FAM221B: variants seen among roughly 807,000 people sequenced by gnomAD.
FAM221B encodes family with sequence similarity 221 member B.
A neutral mutation model predicts 39.8 loss-of-function variants in FAM221B; 35 were observed. The observed-to-expected ratio is 0.88, with a 90% confidence interval of 0.67 to 1.17. FAM221B has a LOEUF of 1.17. Ranked by LOEUF, FAM221B falls within the 50% of genes most tolerant of loss-of-function variation. The pLI is 0.00. For missense variants in FAM221B, 479 were observed against 503.1 expected (o/e 0.95, Z 0.46); for synonymous variants, 158 against 178.1 (o/e 0.89, Z 0.90).
In FAM221B at chr9:35,825,667, T is replaced by C. The variant is rs1344511166; in HGVS notation, c.495A>G (p.Gln165=). ...HCLSGPSSQV[Q]VDTTEKQEEE... is the part of the protein sequence containing the mutation. ...CCTCCTGCTTTTCGGTTGTGTCCAC[T>C]TGGACCTGGGATGAAGGGCCTGAAA... Residue 165 remains glutamine (Q), a synonymous_variant, in exon 2 of 7, where the codon CAA becomes CAG. Transcript: ENST00000423537. This position sits in a 1 kb window ranked among gnomAD's most constrained non-coding sequence, Gnocchi z 4.2. 3 of 1,614,110 alleles carry C rather than the reference T, an allele frequency of 1.9e-6. No homozygotes were observed. The highest frequency in any genetic ancestry group is 1.7e-6 in the Non-Finnish European group (2 of 1,180,054).
Position 35,827,507 on chromosome 9 carries a change from G to A in FAM221B, c.-1+956C>T, listed in dbSNP as rs191625897. 4.9e-4 allele frequency among the ~76,000 whole-genome samples: 75 copies of A among 152,316 alleles called. 1 individual carries two copies. The highest frequency in any genetic ancestry group is 2.9e-3 in the Admixed American group (45 of 15,302). ...ATGGCAATACAAATAAATTGATGTTGTTCTGGGGTGAGTCTAGGATACGGT... is the reference window on the plus strand; with the variant it reads ...ATGGCAATACAAATAAATTGATGTTATTCTGGGGTGAGTCTAGGATACGGT... On this transcript the variant is annotated intron_variant, in intron 1 of 6. Coordinates refer to ENST00000423537, the MANE Select transcript of FAM221B (RefSeq NM_001012446.4).
Position 35,825,293 on chromosome 9 carries a change from C to G in FAM221B, c.679G>C (p.Gly227Arg), listed in dbSNP as rs758588648. The G allele has an allele frequency of 3.1e-6, 5 of 1,614,252 alleles. No individual in the cohort carries two copies. The highest frequency in any genetic ancestry group is 3.4e-6 in the Non-Finnish European group (4 of 1,180,050). Residue 227 changes from glycine to arginine, a missense_variant, in exon 3 of 7, where the codon GGT (glycine) becomes CGT (arginine). Physicochemically the swap from Gly to Arg is moderately radical, Grantham distance 125. Coordinates refer to ENST00000423537, the MANE Select transcript of FAM221B (RefSeq NM_001012446.4). This position sits in a 1 kb window ranked among gnomAD's most constrained non-coding sequence, Gnocchi z 4.2. ...VAKAMHREEF[G>R]AQVNNLFQWE... The stretch of plus-strand genomic sequence containing the variant: ...TGGAAAAGATTGTTCACTTGAGCAC[C>G]AAACTCCTCTCTATGCATTGCCTTA...
intron 6 of FAM221B, among the ~76,000 whole-genome samples, 174 bp from the exon 7 acceptor site, chr9:35,818,680 G>A (rs1016220572): frequency 2.0e-5 from 3 of 152,190 alleles, no homozygotes; most frequent in African/African-American, 7.2e-5. Context: ...ATGGCTTCTC[G>A]GAGCACAGCC....
rs908138600 is a variant in FAM221B, at chr9:35,819,206, T to A, written c.1042A>T (p.Arg348Trp). 18 of 1,551,348 alleles carry A rather than the reference T, an allele frequency of 1.2e-5. No individual in the cohort carries two copies. The highest frequency in any genetic ancestry group is 2.0e-5 in the Admixed American group (1 of 50,974). Residue 348 changes from arginine to tryptophan, a missense_variant, in exon 5 of 7, where the codon AGG (arginine) becomes TGG (tryptophan). Arg to Trp is a moderately radical substitution (Grantham distance 101). Transcript: ENST00000423537. ...EHAATGPHPC[R>W]HHGCCCGCFE... ...TTGCCCTAGAAGTTACCATGATGCC[T>A]GCAGGGATGGGGCCCAGTGGCTGCA...
chr9:35,826,235 T>C, intron 1 of FAM221B, 74 bp from the exon 2 acceptor site: 1 of 1,137,730 alleles, frequency 8.8e-7, no homozygotes, highest in South Asian at 1.5e-5. Flanking sequence ...GAGCCCAGGG[T>C]TCGCAGTGCA....
intron 4 of FAM221B, 114 bp downstream of exon 4, chr9:35,819,776 A>G: frequency 1.4e-6 from 1 of 727,586 alleles, no homozygotes; most frequent in Non-Finnish European, 2.3e-6. Context: ...AAGTGCTGGG[A>G]TTACAGGGGT....
At position 35,819,970 on chromosome 9, in the gene FAM221B, T is replaced by C. The variant is rs1005408695; in HGVS notation, c.773A>G (p.Tyr258Cys). Residue 258 changes from tyrosine (Y) to cysteine (C), a missense_variant, in exon 4 of 7, where the codon TAC (tyrosine) becomes TGC (cysteine). Tyr to Cys is a radical substitution (Grantham distance 194). Transcript: ENST00000423537. ...CCCAATCCGGAAACAGTCCCATAGG[T>C]AATGGGGGCAGCGCCAGCCAATGTA... ...GLYIGWRCPHYLWDCFRIGDE... is the reference protein window; with the variant it reads ...GLYIGWRCPHCLWDCFRIGDE... The C allele has an allele frequency of 5.6e-6, 9 of 1,613,800 alleles. 1 individual carries two copies. The Middle Eastern group carries it at 6.6e-4, about 118-fold the overall frequency.
rs755351552 is a variant in FAM221B, at chr9:35,825,296, A to T, written c.676T>A (p.Phe226Ile). ...AAAAGATTGTTCACTTGAGCACCAA[A>T]CTCCTCTCTATGCATTGCCTTAGCC... ...EVAKAMHREE[F>I]GAQVNNLFQW... Residue 226 changes from phenylalanine (F) to isoleucine (I), a missense_variant, in exon 3 of 7, where the codon TTT becomes ATT. Transcript: ENST00000423537. The surrounding 1 kb of genome is among the most constrained non-coding windows in gnomAD (Gnocchi z 4.2). The T allele has an allele frequency of 6.2e-7, 1 of 1,613,998 alleles. No homozygotes were observed. The highest frequency in any genetic ancestry group is 1.1e-5 in the South Asian group (1 of 91,074).
At chr9:35,824,416 A>T (rs1829244004) in intron 3 of FAM221B, among the ~76,000 whole-genome samples, 1 of 152,178 alleles carries the variant, frequency 6.6e-6, no homozygotes, top group Non-Finnish European at 1.5e-5. Context: ...GAGGCTTGGA[A>T]ACAGCAGGGC....
rs1040077512 is a variant in FAM221B at position 35,828,183 on chromosome 9, T to G, written c.-1+280A>C. 3.9e-5 allele frequency among the ~76,000 whole-genome samples: 6 copies of G among 152,140 alleles called. No homozygotes were observed. The highest frequency in any genetic ancestry group is 1.4e-4 in the African/African-American group (6 of 41,500). On this transcript the variant is annotated intron_variant, in intron 1 of 6. Transcript: ENST00000423537. The surrounding 1 kb of genome is among the most constrained non-coding windows in gnomAD (Gnocchi z 4.5). The stretch of plus-strand genomic sequence containing the variant: ...GGCAGGCGCCTGTAGTCCCAGCTAC[T>G]GGGGAGGCTGAAGCAAGCAAATCAC...
rs1829076521 is a variant in FAM221B, at chr9:35,818,982, T to C, written c.1079A>G (p.Asn360Ser). The C allele has an allele frequency of 6.4e-7, 1 of 1,551,668 alleles. No homozygotes were observed. Among genetic ancestry groups the C allele is most frequent in the Non-Finnish European group, 8.7e-7 (1 of 1,146,982 alleles). ...HGCCCGCFES[N>S]FLCAACDRRW... ...CCGGTCACAGGCCGCACAGAGGAAA[T>C]TAGACTCAAAACAGCCGCAGCAACA... Residue 360 changes from asparagine (N) to serine (S), a missense_variant, in exon 6 of 7, where the codon AAT becomes AGT. Asn to Ser is a conservative substitution (Grantham distance 46). Coordinates refer to ENST00000423537, the MANE Select transcript of FAM221B (RefSeq NM_001012446.4).
rs115407050 is a variant in FAM221B at position 35,825,730 on chromosome 9, G to T, written c.432C>A (p.Thr144=). The change falls in exon 2 of 7, where the codon ACC becomes ACA. Residue 144 remains threonine, a synonymous_variant. Coordinates refer to ENST00000423537, the MANE Select transcript of FAM221B (RefSeq NM_001012446.4). The surrounding 1 kb of genome is among the most constrained non-coding windows in gnomAD (Gnocchi z 4.2). ...GAAGGCTCTCAGATTCAGAGAGATG[G>T]GTAGACCTCCTTGTCCATGGGACCT... is the stretch of plus-strand genomic sequence containing the variant. ...SNEVPWTRRS[T]HLSESESLPE... 1.9e-6 allele frequency: 3 copies of T among 1,614,168 alleles called. No homozygotes were observed. The Admixed American group carries it at 5.0e-5, about 27-fold the overall frequency.
chr9:35,819,823 T>C, intron 4 of FAM221B, 67 bp downstream of exon 4: 1 of 1,315,146 alleles, frequency 7.6e-7, no homozygotes, highest in Non-Finnish European at 1.1e-6. Context: ...TCTCTCATAC[T>C]TCCCAAGACA....
rs1281324927 is a variant in FAM221B at position 35,819,001 on chromosome 9, A to G, written c.1060T>C (p.Cys354Arg). The change falls in exon 6 of 7, where the codon TGC (cysteine) becomes CGC (arginine). Residue 354 changes from cysteine to arginine, a missense_variant. Physicochemically the swap from Cys to Arg is radical, Grantham distance 180. Transcript: ENST00000423537. Reference sequence around the variant, plus strand: ...AGGAAATTAGACTCAAAACAGCCGCAGCAACAGCCTGGGGCAAAAGTGCAG... The same window carrying G: ...AGGAAATTAGACTCAAAACAGCCGCGGCAACAGCCTGGGGCAAAAGTGCAG... ...PHPCRHHGCC[C>R]GCFESNFLCA... is the part of the protein sequence containing the mutation. 1.3e-6 allele frequency: 2 copies of G among 1,551,608 alleles called. No individual in the cohort carries two copies. Among genetic ancestry groups the G allele is most frequent in the African/African-American group, 1.4e-5 (1 of 73,050 alleles).
rs1367610471 is a variant in FAM221B at position 35,828,320 on chromosome 9, AACAACAACAACAACTACT to A, written c.-1+125_-1+142del. On this transcript the variant is annotated intron_variant, in intron 1 of 6. Coordinates refer to ENST00000423537, the MANE Select transcript of FAM221B (RefSeq NM_001012446.4). This position sits in a 1 kb window ranked among gnomAD's most constrained non-coding sequence, Gnocchi z 4.5. The stretch of plus-strand genomic sequence containing the variant: ...CAACAACAACAACAACAACAACAAC[AACAACAACAACAACTACT>A]ACTACTACTACTACTACTACTACTA... 9.8e-4 allele frequency: 136 copies of A among 138,366 alleles called. 2 individuals are homozygous for A. Among genetic ancestry groups the A allele is most frequent in the African/African-American group, 3.7e-3 (132 of 35,960 alleles). The allele number at this position is 138,366 out of a possible 1,614,324, so 8.6% of individuals were successfully genotyped here.
At chr9:35,820,047 C>T (rs1167941589) in intron 3 of FAM221B, 47 bp from the exon 4 acceptor site, 1 of 1,424,382 alleles carries the variant, frequency 7.0e-7, no homozygotes, top group East Asian at 2.3e-5. Flanking sequence ...TTCTAAGCTC[C>T]CCCGAAGTGT....
chr9:35,819,639 C>T (rs533988889), intron 4 of FAM221B, among the ~76,000 whole-genome samples: 6 of 152,186 alleles, frequency 3.9e-5, no homozygotes, highest in African/African-American at 9.6e-5. Context: ...ACTACAGGTG[C>T]GTGCCACCAT....
intron 4 of FAM221B, 95 bp from the exon 5 acceptor site, chr9:35,819,489 C>G: frequency 8.8e-7 from 1 of 1,134,722 alleles, no homozygotes. Flanking sequence ...CCTATGCACG[C>G]AGACATGCTT....
intron 3 of FAM221B, chr9:35,821,678 A>G (rs1564006190): frequency 1.5e-6 from 2 of 1,325,482 alleles, no homozygotes; most frequent in African/African-American, 3.0e-5. Flanking sequence ...CCCAAAGATC[A>G]AGGCCTGCTC....
Sources: allele counts gnomAD v4.1 joint callset (sites outside exome capture counted in the v4.1 genomes callset), GRCh38; gene constraint gnomAD v4.1.1; non-coding constraint Gnocchi (gnomAD v3.1); transcripts MANE v1.5; gene names NCBI Gene and HGNC (gene_info 2026-07-23, HGNC 2026-07-21).